LDLRAD2: variants seen among roughly 807,000 people sequenced by gnomAD.
The protein encoded by LDLRAD2 is low density lipoprotein receptor class A domain containing 2.
A neutral mutation model predicts 24.9 loss-of-function variants in LDLRAD2; 25 were observed. The observed-to-expected ratio is 1.00, with a 90% CI of 0.73 to 1.40. The LOEUF (loss-of-function observed/expected upper bound fraction) is 1.40. Ranked by LOEUF, LDLRAD2 falls within the 40% of genes most tolerant of loss-of-function variation. The pLI is 0.00. For synonymous variants in LDLRAD2, 182 were observed against 166.7 expected, an observed-to-expected ratio of 1.09 and a Z score of -0.71; for missense variants, 391 against 366.2, an observed-to-expected ratio of 1.07 and a Z score of -0.55.
In LDLRAD2 at chr1:21,812,609, C is replaced by G. The variant is rs967249989; in HGVS notation, c.85+73C>G. ...CACCATCCTTAGAGACTATGTTTCC[C>G]CAGTCAGCACTCATCCTGCTGGGCT... On this transcript the variant is annotated intron_variant, in intron 1 of 4. Coordinates refer to ENST00000344642, the MANE Select transcript of LDLRAD2 (RefSeq NM_001013693.3). 18 of 1,241,008 alleles carry G rather than the reference C, an allele frequency of 1.5e-5. No individual in the cohort carries two copies. The Admixed American group carries it at 3.1e-4, about 21-fold the overall frequency. The allele number at this position is 1,241,008 out of a possible 1,614,324, so 76.9% of individuals were successfully genotyped here. A position where few individuals can be genotyped will look rare whatever the true frequency, so the allele number is the denominator to read the frequency against.
At position 21,814,628 on chromosome 1, in the gene LDLRAD2, C is replaced by A. The variant is rs772811677; in HGVS notation, c.316C>A (p.Pro106Thr). 6.0e-5 allele frequency: 97 copies of A among 1,608,434 alleles called. No individual in the cohort carries two copies. Among genetic ancestry groups the A allele is most frequent in the Non-Finnish European group, 7.7e-5 (91 of 1,177,690 alleles). Reference protein sequence around the residue: ...LNTSSPAPADPCAPGSYLQFY... With the variant: ...LNTSSPAPADTCAPGSYLQFY... The stretch of plus-strand genomic sequence containing the variant: ...CACCTCCTCCCCGGCCCCGGCCGAC[C>A]CGTGCGCCCCCGGCTCCTACCTGCA... The change falls in exon 2 of 5, where the codon CCG becomes ACG. Residue 106 changes from proline to threonine, a missense_variant. Physicochemically the swap from Pro to Thr is conservative, Grantham distance 38 (BLOSUM62 -1). Transcript: ENST00000344642.
chr1:21,822,043 G>T, intron 4 of LDLRAD2, 159 bp from the exon 5 acceptor site: 1 of 1,469,074 alleles, frequency 6.8e-7, no homozygotes. Flanking sequence ...CTCTCTGTCT[G>T]ATGTTGGACA....
chr1:21,818,443 A>C (rs1172237868), intron 3 of LDLRAD2, among the ~76,000 whole-genome samples: 1 of 152,174 alleles, frequency 6.6e-6, no homozygotes, highest in Admixed American at 6.5e-5. Context: ...AGGATGCCCC[A>C]CTATTGGGAT....
chr1:21,822,145 C>T, intron 4 of LDLRAD2, 57 bp from the exon 5 acceptor site: 1 of 1,613,818 alleles, frequency 6.2e-7, no homozygotes, highest in South Asian at 1.1e-5. Flanking sequence ...CTCGCTGATC[C>T]CAAGCCAGCT....
chr1:21,819,904 A>C (rs2097948427), intron 3 of LDLRAD2, among the ~76,000 whole-genome samples: 1 of 152,212 alleles, frequency 6.6e-6, no homozygotes, highest in Non-Finnish European at 1.5e-5. Context: ...AGAAACTTAC[A>C]ATCTTGGCAG....
chr1:21,823,235 T>C lies in LDLRAD2; in HGVS notation c.*1020T>C. 1.6e-6 allele frequency: 2 copies of C among 1,275,990 alleles called. No individual in the cohort carries two copies. The highest frequency in any genetic ancestry group is 2.1e-6 in the Non-Finnish European group (2 of 973,484). 79.0% of individuals were successfully genotyped at this position (1,275,990 alleles called of 1,614,324 possible). A position where few individuals can be genotyped will look rare whatever the true frequency, so the allele number is the denominator to read the frequency against. On this transcript the variant is annotated 3_prime_UTR_variant, in exon 5 of 5. Transcript: ENST00000344642. Reference sequence around the variant, plus strand: ...CATCGCCTCGGTTTCTTACAAAAATTCATAATAATATTAATAATAATATAC... The same window carrying C: ...CATCGCCTCGGTTTCTTACAAAAATCCATAATAATATTAATAATAATATAC...
intron 1 of LDLRAD2, 84 bp from the exon 2 acceptor site, chr1:21,814,314 G>T (rs1343570563): frequency 1.7e-6 from 2 of 1,190,406 alleles, no homozygotes; most frequent in South Asian, 1.6e-5. Context: ...CGAGTAACTC[G>T]CTTGGGATCA....
chr1:21,823,967 AAGCCCG>A lies in LDLRAD2; in HGVS notation c.*1758_*1763del. ...CCCAGCGGAGTTCAGTCCGAGATGGAAGCCCGAGCCCTGGCTGGTGGGTTCTCCCCT... is the reference window on the plus strand; with the variant it reads ...CCCAGCGGAGTTCAGTCCGAGATGGAAGCCCTGGCTGGTGGGTTCTCCCCT... On this transcript the variant is annotated 3_prime_UTR_variant, in exon 5 of 5. Coordinates refer to ENST00000344642, the MANE Select transcript of LDLRAD2 (RefSeq NM_001013693.3). 1.4e-5 allele frequency: 12 copies of A among 848,008 alleles called. No homozygotes were observed. In the South Asian group the frequency reaches 1.5e-4, roughly 11 times the overall value. The allele number at this position is 848,008 out of a possible 1,614,324, so 52.5% of individuals were successfully genotyped here. A position where few individuals can be genotyped will look rare whatever the true frequency, so the allele number is the denominator to read the frequency against.
chr1:21,818,014 T>C (rs911944952), intron 3 of LDLRAD2, among the ~76,000 whole-genome samples: 12 of 152,046 alleles, frequency 7.9e-5, no homozygotes, highest in South Asian at 2.1e-4. Context: ...GTAGCTGGGA[T>C]TACAGGTGCA....
At chr1:21,820,553 A>C (rs1045536760) in intron 3 of LDLRAD2, among the ~76,000 whole-genome samples, 3 of 151,644 alleles carry the variant, frequency 2.0e-5, no homozygotes, top group Non-Finnish European at 2.9e-5. Flanking sequence ...AAAAGAAAAG[A>C]AAAGCGGCAG....
intron 1 of LDLRAD2, 121 bp downstream of exon 1, chr1:21,812,657 G>C: frequency 1.3e-6 from 1 of 789,806 alleles, no homozygotes; most frequent in South Asian, 1.6e-5. Context: ...GCTGGGGGAG[G>C]CTGGGAAACT....
chr1:21,823,804 G>A lies in LDLRAD2; in HGVS notation c.*1589G>A, dbSNP rs564446832. The stretch of plus-strand genomic sequence containing the variant: ...GACAGAGTCCCCTCCCTCTGATATC[G>A]AGACTCCAGACTCAGAAGTCTGTCC... On this transcript the variant is annotated 3_prime_UTR_variant, in exon 5 of 5. Coordinates refer to ENST00000344642, the MANE Select transcript of LDLRAD2 (RefSeq NM_001013693.3). 1.7e-4 allele frequency: 170 copies of A among 1,022,096 alleles called. No individual in the cohort carries two copies. In the African/African-American group the frequency reaches 2.1e-3, roughly 13 times the overall value. 63.3% of individuals were successfully genotyped at this position (1,022,096 alleles called of 1,614,324 possible).
At chr1:21,815,132 C>T (rs369070597) in intron 2 of LDLRAD2, among the ~76,000 whole-genome samples, 1 of 152,156 alleles carries the variant, frequency 6.6e-6, no homozygotes, top group African/African-American at 2.4e-5. Context: ...AACTTCCTCC[C>T]CACACACATT....
chr1:21,816,207 C>T (rs2097943809), intron 3 of LDLRAD2, 133 bp downstream of exon 3: 1 of 1,234,180 alleles, frequency 8.1e-7, no homozygotes, highest in Non-Finnish European at 1.1e-6. Context: ...CGGCTTAGGC[C>T]AAGGGCTGGA....
chr1:21,814,494 A>G lies in LDLRAD2; in HGVS notation c.182A>G (p.Asp61Gly). The stretch of plus-strand genomic sequence containing the variant: ...CGCAGGTTCTACTTCGTGGCTCCGG[A>G]CACCGACTGCGGGCTCTGGGTGCAG... Reference protein sequence around the residue: ...ASRRFYFVAPDTDCGLWVQAA... With the variant: ...ASRRFYFVAPGTDCGLWVQAA... The change falls in exon 2 of 5, where the codon GAC becomes GGC. Residue 61 changes from aspartate (D) to glycine (G), a missense_variant. Asp to Gly is a moderately conservative substitution (Grantham distance 94). Transcript: ENST00000344642. 6.2e-7 allele frequency: 1 copy of G among 1,612,562 alleles called. No individual in the cohort carries two copies. Among genetic ancestry groups the G allele is most frequent in the Non-Finnish European group, 8.5e-7 (1 of 1,179,734 alleles).
chr1:21,814,150 G>C (rs1352818766), intron 1 of LDLRAD2, among the ~76,000 whole-genome samples: 1 of 152,180 alleles, frequency 6.6e-6, no homozygotes, highest in Admixed American at 6.5e-5. Flanking sequence ...GATTACAGGC[G>C]TGAGCCACTG....
At chr1:21,818,005 T>C (rs1197486223) in intron 3 of LDLRAD2, among the ~76,000 whole-genome samples, 1 of 152,156 alleles carries the variant, frequency 6.6e-6, no homozygotes, top group Non-Finnish European at 1.5e-5. Flanking sequence ...GCCTCCGGTG[T>C]AGCTGGGATT....
chr1:21,814,327 C>T, intron 1 of LDLRAD2, 71 bp from the exon 2 acceptor site: 1 of 1,327,886 alleles, frequency 7.5e-7, no homozygotes, highest in Non-Finnish European at 1.0e-6. Flanking sequence ...TGGGATCACA[C>T]AGCGGGCAGG....
In LDLRAD2 at chr1:21,825,083, ACATGACAG is replaced by A. The variant is rs2097966397; in HGVS notation, c.*2869_*2876del. ...ACTTTGTTACTAGTATTTGCTTATC[ACATGACAG>A]TAGCTGCAAATATTTCAAAATATCA... is the stretch of plus-strand genomic sequence containing the variant. On this transcript the variant is annotated 3_prime_UTR_variant, in exon 5 of 5. Coordinates refer to ENST00000344642, the MANE Select transcript of LDLRAD2 (RefSeq NM_001013693.3). 2 of 447,864 alleles carry A rather than the reference ACATGACAG, an allele frequency of 4.5e-6. No homozygotes were observed. The highest frequency in any genetic ancestry group is 4.1e-6 in the Non-Finnish European group (1 of 240,974). The allele number at this position is 447,864 out of a possible 1,614,324, so 27.7% of individuals were successfully genotyped here.
Sources: allele counts gnomAD v4.1 joint callset (sites outside exome capture counted in the v4.1 genomes callset), GRCh38; gene constraint gnomAD v4.1.1; transcripts MANE v1.5; gene names NCBI Gene and HGNC (gene_info 2026-07-23, HGNC 2026-07-21).